Variants in DCAF13 observed in about 807,000 individuals in gnomAD.
DCAF13 encodes DDB1 and CUL4 associated factor 13, also known as DDB1- and CUL4-associated factor 13.
A neutral mutation model predicts 59.0 loss-of-function variants in DCAF13; 38 were observed. The ratio of observed to expected loss-of-function variants is 0.64; its 90% CI spans 0.50 to 0.84. DCAF13 has a LOEUF of 0.84. Among genes scored for constraint, DCAF13 ranks in the 40% least tolerant of loss-of-function variants. The probability of loss-of-function intolerance (pLI) is 0.00; values close to 1 mark genes in which losing one functional copy is unlikely to be tolerated. For synonymous variants in DCAF13, 173 were observed against 175.0 expected (o/e 0.99, Z 0.09); for missense variants, 469 against 558.4 (o/e 0.84, Z 1.61).
intron 1 of DCAF13, among the ~76,000 whole-genome samples, chr8:103,416,777 A>G (rs1816622693): frequency 6.6e-6 from 1 of 152,250 alleles, no homozygotes; most frequent in South Asian, 2.1e-4. Context: ...CACCTAGCAC[A>G]TAGTTGCTTT....
At chr8:103,426,321 A>G (rs558143540) in intron 4 of DCAF13, among the ~76,000 whole-genome samples, 176 bp downstream of exon 4, 1 of 152,210 alleles carries the variant, frequency 6.6e-6, no homozygotes, top group African/African-American at 2.4e-5. Flanking sequence ...CTTTGATGCT[A>G]AAGAATTTTA....
chr8:103,426,592 T>G (rs1192344361), intron 4 of DCAF13, among the ~76,000 whole-genome samples: 2 of 152,170 alleles, frequency 1.3e-5, no homozygotes, highest in African/African-American at 2.4e-5. Flanking sequence ...TCTACCAAAT[T>G]ATTCTGCAAA....
In DCAF13 at chr8:103,430,641, C is replaced by T. The variant is rs1340478451; in HGVS notation, c.654C>T (p.Asp218=). Residue 218 remains aspartate, a synonymous_variant, in exon 6 of 11, where the codon GAC becomes GAT. Coordinates refer to ENST00000612750, the MANE Select transcript of DCAF13 (RefSeq NM_015420.7). The part of the protein sequence containing the change: ...ETFLLGSCAS[D]RNIVLYDMRQ... ...TTCTCTTGGGAAGTTGTGCATCTGA[C>T]AGGAATATAGTACTGTACGATATGA... 2 of 1,610,590 alleles carry T rather than the reference C, an allele frequency of 1.2e-6. No individual in the cohort carries two copies. Among genetic ancestry groups the T allele is most frequent in the East Asian group, 2.2e-5 (1 of 44,674 alleles).
intron 3 of DCAF13, 116 bp from the exon 4 acceptor site, chr8:103,425,940 G>T: frequency 1.4e-6 from 1 of 720,800 alleles, no homozygotes. Context: ...GTGTAATACT[G>T]GAATGATATG....
At chr8:103,421,282 T>C in intron 3 of DCAF13, 200 bp downstream of exon 3, 1 of 665,940 alleles carries the variant, frequency 1.5e-6, no homozygotes, top group Non-Finnish European at 2.7e-6. Context: ...ATGATTAAAC[T>C]AATATTCAAT....
At chr8:103,423,752 A>G (rs956371970) in intron 3 of DCAF13, among the ~76,000 whole-genome samples, 2 of 152,240 alleles carry the variant, frequency 1.3e-5, no homozygotes, top group Non-Finnish European at 2.9e-5. Context: ...GTCTACGTGT[A>G]TCAAAACACA....
chr8:103,420,335 A>C lies in DCAF13; in HGVS notation c.142A>C (p.Thr48Pro). ...AGAATATATAAGAGCTTTAAATGCT[A>C]CCAAACTGGAACGAGTATTTGCAAA... is the stretch of plus-strand genomic sequence containing the variant. The part of the protein sequence containing the change: ...PREYIRALNA[T>P]KLERVFAKPF... Residue 48 changes from threonine (T) to proline (P), a missense_variant, in exon 2 of 11, where the codon ACC becomes CCC. Thr to Pro is a conservative substitution (Grantham distance 38). This residue lies in a region of DCAF13 where 355 missense variants were observed against 399.1 expected (regional missense o/e 0.89). Coordinates refer to ENST00000612750, the MANE Select transcript of DCAF13 (RefSeq NM_015420.7). 6.2e-7 allele frequency: 1 copy of C among 1,614,190 alleles called. No individual in the cohort carries two copies. Among genetic ancestry groups the C allele is most frequent in the Non-Finnish European group, 8.5e-7 (1 of 1,180,040 alleles).
At chr8:103,418,622 G>C (rs1816661227) in intron 1 of DCAF13, among the ~76,000 whole-genome samples, 1 of 151,356 alleles carries the variant, frequency 6.6e-6, no homozygotes, top group Non-Finnish European at 1.5e-5. Flanking sequence ...GTAGGACTTT[G>C]AGTTTTGGTA....
chr8:103,418,910 G>C (rs1816682322), intron 1 of DCAF13, among the ~76,000 whole-genome samples: 1 of 91,918 alleles, frequency 1.1e-5, no homozygotes. Flanking sequence ...TTGAGATGAA[G>C]TCACACTCTG....
chr8:103,434,211 G>A lies in DCAF13; in HGVS notation c.786-1415G>A, dbSNP rs1412075743. ...AGAAACCTAAGTTCAAGTCTAGGCC[G>A]ACCAGTAATTACTGTATAAACTTGG... On this transcript the variant is annotated intron_variant, in intron 7 of 10. Transcript: ENST00000612750. Among the ~76,000 whole-genome samples, 8 of 151,898 alleles carry A rather than the reference G, an allele frequency of 5.3e-5. No individual in the cohort carries two copies. In the East Asian group the frequency reaches 1.3e-3, roughly 26 times the overall value.
chr8:103,432,478 T>C (rs146842933), intron 6 of DCAF13, among the ~76,000 whole-genome samples, 181 bp from the exon 7 acceptor site: 1 of 152,182 alleles, frequency 6.6e-6, no homozygotes, highest in Non-Finnish European at 1.5e-5. Context: ...GTTAAGCATT[T>C]CTATTTTTAT....
At chr8:103,417,905 G>A (rs1001845212) in intron 1 of DCAF13, among the ~76,000 whole-genome samples, 6 of 152,014 alleles carry the variant, frequency 3.9e-5, no homozygotes, top group African/African-American at 7.2e-5. Context: ...AGATCACGAG[G>A]TCAGGAGATC....
At chr8:103,441,774 C>A in intron 10 of DCAF13, 156 bp downstream of exon 10, 16 of 626,554 alleles carry the variant, frequency 2.6e-5, no homozygotes, top group Admixed American at 4.1e-5. Flanking sequence ...AAGGCCTTTT[C>A]TTTTTTCTTT....
chr8:103,422,721 A>T (rs567366610), intron 3 of DCAF13, among the ~76,000 whole-genome samples: 27 of 152,340 alleles, frequency 1.8e-4, no homozygotes, highest in African/African-American at 5.8e-4. Flanking sequence ...TTGTATACAC[A>T]TGCGCTAATC....
At chr8:103,439,994 T>C (rs1478700886) in intron 8 of DCAF13, 142 bp from the exon 9 acceptor site, 1 of 615,420 alleles carries the variant, frequency 1.6e-6, no homozygotes, top group African/African-American at 1.9e-5. Flanking sequence ...TTGGGTTCAA[T>C]AAAAATACAT....
rs529447697 is a variant in DCAF13 at position 103,426,253 on chromosome 8, A to G, written c.468+108A>G. On this transcript the variant is annotated intron_variant, in intron 4 of 10. Transcript: ENST00000612750. Reference sequence around the variant, plus strand: ...GGGAAGAAGATGCAGATAAGAAACGAAAGACTTTAGGCTGTAATTGTTGAC... The same window carrying G: ...GGGAAGAAGATGCAGATAAGAAACGGAAGACTTTAGGCTGTAATTGTTGAC... 3 of 654,118 alleles carry G rather than the reference A, an allele frequency of 4.6e-6. No individual in the cohort carries two copies. The East Asian group carries it at 8.8e-5, about 19-fold the overall frequency. 40.5% of individuals were successfully genotyped at this position (654,118 alleles called of 1,614,324 possible).
At chr8:103,421,137 T>G in intron 3 of DCAF13, 55 bp downstream of exon 3, 1 of 1,180,130 alleles carries the variant, frequency 8.5e-7, no homozygotes, top group South Asian at 1.2e-5. Context: ...AAGAATAATC[T>G]AATTGAATAC....
At chr8:103,433,365 A>G (rs1816891102) in intron 7 of DCAF13, among the ~76,000 whole-genome samples, 1 of 152,124 alleles carries the variant, frequency 6.6e-6, no homozygotes, top group South Asian at 2.1e-4. Context: ...TGGGACATGC[A>G]TGTTATCCCC....
At chr8:103,427,037 T>C (rs1354672560) in intron 4 of DCAF13, 60 bp from the exon 5 acceptor site, 2 of 1,292,428 alleles carry the variant, frequency 1.5e-6, no homozygotes, top group African/African-American at 3.0e-5. Flanking sequence ...ATTTAAAATA[T>C]TATTCTGCAG....
Sources: gnomAD v4.1 joint callset for allele counts (sites outside exome capture counted in the v4.1 genomes callset) on GRCh38, gnomAD v4.1.1 for gene constraint, gnomAD v4.1.1 regional missense constraint, MANE v1.5 for transcripts, NCBI Gene and HGNC (gene_info 2026-07-23, HGNC 2026-07-21) for gene names.